Variants in PARD3B observed in about 807,000 individuals in gnomAD.
PARD3B encodes par-3 family cell polarity regulator beta.
In PARD3B, 103 loss-of-function variants were observed where a neutral mutation model predicts 130.2. The ratio of observed to expected loss-of-function variants is 0.79; its 90% CI spans 0.67 to 0.93. PARD3B has a LOEUF of 0.93. Among genes scored for constraint, PARD3B ranks in the 40% least tolerant of loss-of-function variants. The pLI, the probability that PARD3B is intolerant of heterozygous loss-of-function variation, is 0.00. For missense variants in PARD3B, 1,609 were observed against 1,499.2 expected, an observed-to-expected ratio of 1.07 and a Z score of -1.21; for synonymous variants, 583 against 553.2, an observed-to-expected ratio of 1.05 and a Z score of -0.76.
At chr2:205,101,278 A>T (rs1018469528) in intron 4 of PARD3B, among the ~76,000 whole-genome samples, 9 of 152,192 alleles carry the variant, frequency 5.9e-5, no homozygotes, top group Non-Finnish European at 7.4e-5. Context: ...ACCCATTAGG[A>T]TGAATACAAT....
chr2:205,335,610 A>G (rs538882193), intron 18 of PARD3B, among the ~76,000 whole-genome samples: 7 of 151,456 alleles, frequency 4.6e-5, no homozygotes, highest in African/African-American at 1.7e-4. Flanking sequence ...GTCCATTTTC[A>G]TGCTGCTGAT....
At chr2:204,937,227 T>C (rs1322505820) in intron 2 of PARD3B, among the ~76,000 whole-genome samples, 1 of 152,254 alleles carries the variant, frequency 6.6e-6, no homozygotes, top group Non-Finnish European at 1.5e-5. Flanking sequence ...CAGTTTACTT[T>C]TTTTCCTCCC....
At chr2:205,561,803 A>G (rs956950793) in intron 22 of PARD3B, among the ~76,000 whole-genome samples, 1 of 152,190 alleles carries the variant, frequency 6.6e-6, no homozygotes, top group African/African-American at 2.4e-5. Flanking sequence ...TCTAGGTCAT[A>G]TCTTCCACAT....
chr2:205,373,308 A>G (rs1329010867), intron 18 of PARD3B, among the ~76,000 whole-genome samples: 1 of 152,216 alleles, frequency 6.6e-6, no homozygotes, highest in Non-Finnish European at 1.5e-5. Flanking sequence ...CTCTGATCCT[A>G]GGTGTAGTCA....
chr2:204,728,787 T>C (rs1372011329), intron 2 of PARD3B, among the ~76,000 whole-genome samples: 4 of 152,198 alleles, frequency 2.6e-5, no homozygotes, highest in Non-Finnish European at 2.9e-5. Flanking sequence ...TCCTGTGATC[T>C]TTCTGCTTTT....
At chr2:204,563,566 T>C (rs111730973) in intron 1 of PARD3B, among the ~76,000 whole-genome samples, 2,303 of 152,278 alleles carry the variant, frequency 0.015, 67 homozygotes, top group African/African-American at 0.053. Context: ...CTTTATTTCT[T>C]ATATTTTTGC....
chr2:205,557,141 C>T (rs2052925621), intron 22 of PARD3B, among the ~76,000 whole-genome samples: 1 of 152,168 alleles, frequency 6.6e-6, no homozygotes, highest in South Asian at 2.1e-4. Context: ...GAGCAAAAGG[C>T]ACTGCAGCTC....
chr2:205,186,797 T>C (rs2036126901), intron 14 of PARD3B, among the ~76,000 whole-genome samples: 1 of 152,200 alleles, frequency 6.6e-6, no homozygotes, highest in African/African-American at 2.4e-5. Context: ...GATCAATGTC[T>C]CTAGGGGTTT....
chr2:205,415,055 T>C (rs1430093740), intron 19 of PARD3B, among the ~76,000 whole-genome samples: 3 of 152,122 alleles, frequency 2.0e-5, no homozygotes, highest in African/African-American at 7.2e-5. Context: ...AGTTGGACTT[T>C]TAAATTTTAG....
intron 18 of PARD3B, among the ~76,000 whole-genome samples, chr2:205,343,965 C>T (rs906154810): frequency 7.2e-5 from 11 of 152,120 alleles, no homozygotes; most frequent in Admixed American, 3.9e-4. Flanking sequence ...CTTTTCTTTT[C>T]TTCTCTTTTA....
intron 22 of PARD3B, among the ~76,000 whole-genome samples, chr2:205,578,271 T>C (rs901472076): frequency 6.6e-6 from 1 of 152,198 alleles, no homozygotes. Context: ...CAATTCCAAA[T>C]AACAATGTGG....
chr2:204,911,027 CTA>C (rs1037146153), intron 2 of PARD3B, among the ~76,000 whole-genome samples: 1 of 152,130 alleles, frequency 6.6e-6, no homozygotes, highest in African/African-American at 2.4e-5. Flanking sequence ...ATGAAAGTGA[CTA>C]TTTTAATATT....
chr2:204,739,585 G>A (rs1158878897), intron 2 of PARD3B, among the ~76,000 whole-genome samples: 1 of 152,084 alleles, frequency 6.6e-6, no homozygotes, highest in African/African-American at 2.4e-5. Flanking sequence ...CTCCTGAGTA[G>A]CTAGGACTAC....
At chr2:204,652,931 A>G (rs969234348) in intron 1 of PARD3B, among the ~76,000 whole-genome samples, 6 of 150,958 alleles carry the variant, frequency 4.0e-5, no homozygotes, top group African/African-American at 1.5e-4. Flanking sequence ...CTGAGAACTC[A>G]CTCACTATCA....
At chr2:204,985,732 G>C (rs1200451040) in intron 3 of PARD3B, among the ~76,000 whole-genome samples, 1 of 152,130 alleles carries the variant, frequency 6.6e-6, no homozygotes, top group African/African-American at 2.4e-5. Flanking sequence ...TTCATATGGG[G>C]GGAAGATCTG....
rs937945836 is a variant in PARD3B at position 204,949,570 on chromosome 2, C to T, written c.223-15582C>T. ...CTCCTGGGCTCAAGCCGCCCTCCCA[C>T]CTCAGCCTCCTGAAGTGCTGGGATT... On this transcript the variant is annotated intron_variant, in intron 2 of 22. Coordinates refer to ENST00000406610, the MANE Select transcript of PARD3B (RefSeq NM_001302769.2). Among the ~76,000 whole-genome samples, 6 of 152,308 alleles carry T rather than the reference C, an allele frequency of 3.9e-5. No individual in the cohort carries two copies. The South Asian group carries it at 8.3e-4, about 21-fold the overall frequency.
chr2:204,830,887 T>C (rs2043794624), intron 2 of PARD3B, among the ~76,000 whole-genome samples: 1 of 152,230 alleles, frequency 6.6e-6, no homozygotes, highest in African/African-American at 2.4e-5. Flanking sequence ...CTGATATATG[T>C]GTAAAGTACA....
intron 20 of PARD3B, among the ~76,000 whole-genome samples, chr2:205,453,004 C>T (rs1211085816): frequency 1.3e-5 from 2 of 152,138 alleles, no homozygotes; most frequent in African/African-American, 4.8e-5. Context: ...AGGATATATT[C>T]ATCTAACTAA....
At chr2:205,185,902 T>C (rs1398748586) in intron 14 of PARD3B, 39 bp downstream of exon 14, 5 of 1,536,604 alleles carry the variant, frequency 3.3e-6, no homozygotes, top group Middle Eastern at 1.7e-4. Context: ...CTCCTTGTTA[T>C]TGTTTTTCTG....
Sources: allele counts gnomAD v4.1 joint callset (sites outside exome capture counted in the v4.1 genomes callset), GRCh38; gene constraint gnomAD v4.1.1; transcripts MANE v1.5; gene names NCBI Gene and HGNC (gene_info 2026-07-23, HGNC 2026-07-21).